DCC: variants seen among roughly 807,000 people sequenced by gnomAD.
The protein encoded by DCC is DCC netrin 1 receptor.
A neutral mutation model predicts 172.5 loss-of-function variants in DCC; 58 were observed. The ratio of observed to expected loss-of-function variants is 0.34; its 90% CI spans 0.27 to 0.42. DCC has a LOEUF of 0.42. Among genes scored for constraint, DCC ranks in the 10% least tolerant of loss-of-function variants. DCC has a pLI of 1.00. For missense variants in DCC, 1,740 were observed against 1,791.0 expected, an observed-to-expected ratio of 0.97 and a Z score of 0.51; for synonymous variants, 709 against 644.5, an observed-to-expected ratio of 1.10 and a Z score of -1.52.
chr18:52,953,248 G>A (rs1056070040), intron 5 of DCC, among the ~76,000 whole-genome samples: 3 of 152,126 alleles, frequency 2.0e-5, no homozygotes, highest in East Asian at 1.9e-4. Context: ...TTCATTCTCA[G>A]TGCTTAGATA....
At chr18:53,259,019 C>G (rs1369553030) in intron 12 of DCC, among the ~76,000 whole-genome samples, 1 of 151,834 alleles carries the variant, frequency 6.6e-6, no homozygotes, top group Non-Finnish European at 1.5e-5. Flanking sequence ...TTATCAGAGA[C>G]TAGGATTGCA....
At chr18:52,399,145 A>G (rs1986342783) in intron 1 of DCC, among the ~76,000 whole-genome samples, 1 of 151,958 alleles carries the variant, frequency 6.6e-6, no homozygotes, top group African/African-American at 2.4e-5. Context: ...AGCATCTTTC[A>G]TAGTAAGATG....
At chr18:52,866,720 G>A (rs957667732) in intron 2 of DCC, among the ~76,000 whole-genome samples, 10 of 152,096 alleles carry the variant, frequency 6.6e-5, no homozygotes, top group South Asian at 2.1e-4. Flanking sequence ...TATGATTTTC[G>A]CACATTGATT....
chr18:52,953,705 A>G (rs1263709384), intron 5 of DCC, among the ~76,000 whole-genome samples: 1 of 152,234 alleles, frequency 6.6e-6, no homozygotes, highest in Non-Finnish European at 1.5e-5. Context: ...TGTCAGCTTA[A>G]CCAAACATTT....
At chr18:52,408,605 AT>A (rs2144396784) in intron 1 of DCC, among the ~76,000 whole-genome samples, 1 of 152,246 alleles carries the variant, frequency 6.6e-6, no homozygotes, top group African/African-American at 2.4e-5. Context: ...TTGACTGCAC[AT>A]TAATGCAGTT....
chr18:52,608,652 G>A lies in DCC; in HGVS notation c.92-143402G>A, dbSNP rs1309839000. Among the ~76,000 whole-genome samples, 3 of 152,154 alleles carry A rather than the reference G, an allele frequency of 2.0e-5. No individual in the cohort carries two copies. The East Asian group carries it at 5.8e-4, about 29-fold the overall frequency. On this transcript the variant is annotated intron_variant, in intron 1 of 28. Transcript: ENST00000442544. ...GTAGTCAAGAACCTGCTGTTAGAAGGCACTGAGTGCCAACTTAAGGAACAA... is the reference window on the plus strand; with the variant it reads ...GTAGTCAAGAACCTGCTGTTAGAAGACACTGAGTGCCAACTTAAGGAACAA...
At chr18:52,353,028 A>G (rs909535550) in intron 1 of DCC, among the ~76,000 whole-genome samples, 5 of 152,312 alleles carry the variant, frequency 3.3e-5, no homozygotes, top group East Asian at 1.9e-4. Flanking sequence ...GTAAGTAATC[A>G]TGTAGTCAAT....
At chr18:52,717,099 G>A (rs1422456316) in intron 1 of DCC, among the ~76,000 whole-genome samples, 1 of 152,148 alleles carries the variant, frequency 6.6e-6, no homozygotes, top group Non-Finnish European at 1.5e-5. Context: ...CTGACCGCAA[G>A]AGGGCTCCTG....
chr18:52,544,224 T>A (rs1215045154), intron 1 of DCC, among the ~76,000 whole-genome samples: 1 of 152,212 alleles, frequency 6.6e-6, no homozygotes, highest in Non-Finnish European at 1.5e-5. Flanking sequence ...TGCCAAGTCA[T>A]TATTCCGTTT....
chr18:52,438,573 CTT>C (rs933555361), intron 1 of DCC, among the ~76,000 whole-genome samples: 23 of 152,168 alleles, frequency 1.5e-4, no homozygotes, highest in Non-Finnish European at 2.9e-5. Flanking sequence ...AAAGTAGAAT[CTT>C]TTAAAAGTTA....
At chr18:53,444,724 A>T (rs939049280) in intron 22 of DCC, among the ~76,000 whole-genome samples, 3 of 152,226 alleles carry the variant, frequency 2.0e-5, no homozygotes, top group Non-Finnish European at 2.9e-5. Context: ...TTAATAGACT[A>T]CAGTATAGTG....
chr18:52,542,404 A>G (rs946962032), intron 1 of DCC, among the ~76,000 whole-genome samples: 3 of 152,220 alleles, frequency 2.0e-5, no homozygotes, highest in Non-Finnish European at 2.9e-5. Flanking sequence ...CAAAATATCT[A>G]GCTATACAGT....
chr18:52,741,517 G>T (rs368081634), intron 1 of DCC, among the ~76,000 whole-genome samples: 17 of 152,270 alleles, frequency 1.1e-4, no homozygotes, highest in East Asian at 3.9e-4. Flanking sequence ...CCTCTCAGTT[G>T]TGACAACCAG....
intron 2 of DCC, among the ~76,000 whole-genome samples, chr18:52,877,569 T>C (rs1016013663): frequency 1.3e-5 from 2 of 151,936 alleles, no homozygotes; most frequent in African/African-American, 2.4e-5. Context: ...TAGCCAGGCA[T>C]GGTGGTGTGC....
chr18:52,369,257 GT>G lies in DCC; in HGVS notation c.91+28388del, dbSNP rs35706080. ...CTTTGTGGGTTTTTTTTCTTTGTGG[GT>G]TTTTTTTTCTTTGCAAATGGGCTAT... On this transcript the variant is annotated intron_variant, in intron 1 of 28. Coordinates refer to ENST00000442544, the MANE Select transcript of DCC (RefSeq NM_005215.4). Among the ~76,000 whole-genome samples the G allele has an allele frequency of 7.3e-4, 110 of 151,002 alleles. 1 individual carries two copies. In the East Asian group the frequency reaches 0.019, roughly 26 times the overall value.
chr18:53,439,888 C>T (rs978632312), intron 22 of DCC, among the ~76,000 whole-genome samples: 1 of 149,484 alleles, frequency 6.7e-6, no homozygotes, highest in African/African-American at 2.4e-5. Context: ...CCTCAGCCTC[C>T]CAAGTAGCTG....
chr18:52,381,504 T>C (rs995621903), intron 1 of DCC, among the ~76,000 whole-genome samples: 1 of 152,106 alleles, frequency 6.6e-6, no homozygotes, highest in Non-Finnish European at 1.5e-5. Flanking sequence ...AGGAGCAACA[T>C]TGAGGAACCT....
chr18:53,023,902 G>C (rs892563831), intron 5 of DCC, among the ~76,000 whole-genome samples: 1 of 152,002 alleles, frequency 6.6e-6, no homozygotes, highest in African/African-American at 2.4e-5. Flanking sequence ...CCACTTGATC[G>C]TCTAGTTAGT....
At chr18:52,843,966 A>G (rs557079950) in intron 2 of DCC, among the ~76,000 whole-genome samples, 1 of 152,278 alleles carries the variant, frequency 6.6e-6, no homozygotes, top group East Asian at 1.9e-4. Context: ...AGCATGATAT[A>G]GTATGATGCT....
Sources: gnomAD v4.1 joint callset for allele counts (sites outside exome capture counted in the v4.1 genomes callset) on GRCh38, gnomAD v4.1.1 for gene constraint, MANE v1.5 for transcripts, NCBI Gene and HGNC (gene_info 2026-07-23, HGNC 2026-07-21) for gene names.